The following ERC2 variants were observed in gnomAD, a reference collection of about 807,000 sequenced individuals.
ERC2 encodes the protein ERC protein 2.
Under a neutral mutation model 114.8 loss-of-function variants are expected in ERC2, and 42 were observed. That is an observed-to-expected ratio of 0.37 (90% CI 0.29 to 0.47). The LOEUF (loss-of-function observed/expected upper bound fraction) is 0.47, where lower values mean the gene tolerates loss of function less well. Ranked by LOEUF, ERC2 falls within the 20% of genes least tolerant of loss-of-function variation. The pLI is 0.99. For missense variants in ERC2, 939 were observed against 1,150.7 expected, an observed-to-expected ratio of 0.82 and a Z score of 2.66; for synonymous variants, 454 against 425.5, an observed-to-expected ratio of 1.07 and a Z score of -0.82.
At chr3:56,084,479 G>A (rs2077400219) in intron 6 of ERC2, among the ~76,000 whole-genome samples, 1 of 152,126 alleles carries the variant, frequency 6.6e-6, no homozygotes, top group South Asian at 2.1e-4. Flanking sequence ...AGAATAAGTA[G>A]ATAAGAGTAG....
At chr3:55,570,847 GC>G (rs919657456) in intron 17 of ERC2, among the ~76,000 whole-genome samples, 1 of 152,136 alleles carries the variant, frequency 6.6e-6, no homozygotes, top group Non-Finnish European at 1.5e-5. Flanking sequence ...TGAGAAGTGG[GC>G]CGGGCGCAGT....
intron 2 of ERC2, among the ~76,000 whole-genome samples, chr3:56,302,937 G>C (rs1208136667): frequency 6.6e-6 from 1 of 152,212 alleles, no homozygotes; most frequent in Non-Finnish European, 1.5e-5. Context: ...TCAAACTGCT[G>C]TCAACTTAGC....
chr3:55,537,322 G>A (rs1430547618), intron 17 of ERC2, among the ~76,000 whole-genome samples: 1 of 152,214 alleles, frequency 6.6e-6, no homozygotes, highest in African/African-American at 2.4e-5. Flanking sequence ...GGAAGACGAT[G>A]GTTTCCCCCC....
intron 7 of ERC2, among the ~76,000 whole-genome samples, chr3:56,069,052 G>A (rs2076609160): frequency 6.6e-6 from 1 of 152,188 alleles, no homozygotes; most frequent in Non-Finnish European, 1.5e-5. Context: ...TGTCTATCAG[G>A]TCCACTTGAT....
intron 13 of ERC2, among the ~76,000 whole-genome samples, chr3:55,926,473 T>C (rs1468207695): frequency 6.6e-6 from 1 of 152,022 alleles, no homozygotes; most frequent in Non-Finnish European, 1.5e-5. Context: ...ACAAAGATTT[T>C]ATATCATTTA....
intron 3 of ERC2, among the ~76,000 whole-genome samples, chr3:56,259,172 A>G (rs1403727470): frequency 6.6e-6 from 1 of 151,942 alleles, no homozygotes; most frequent in Non-Finnish European, 1.5e-5. Context: ...GGGTTTCTCC[A>G]TGTTGATCAG....
At chr3:56,368,979 T>C (rs974533498) in intron 2 of ERC2, among the ~76,000 whole-genome samples, 5 of 152,186 alleles carry the variant, frequency 3.3e-5, no homozygotes, top group Admixed American at 6.5e-5. Context: ...TACTCCATAA[T>C]AGGACCTCAA....
chr3:55,961,330 C>T (rs2068347026), intron 12 of ERC2, among the ~76,000 whole-genome samples: 1 of 152,160 alleles, frequency 6.6e-6, no homozygotes, highest in Non-Finnish European at 1.5e-5. Context: ...CCCCTTCCTT[C>T]ATCACTGATA....
chr3:55,919,647 T>G (rs968897838), intron 13 of ERC2, among the ~76,000 whole-genome samples: 5 of 152,062 alleles, frequency 3.3e-5, no homozygotes, highest in African/African-American at 1.2e-4. Context: ...AGAAAATAAG[T>G]AAAATGTGTA....
intron 17 of ERC2, among the ~76,000 whole-genome samples, chr3:55,603,573 G>C (rs1470780612): frequency 2.6e-5 from 4 of 151,578 alleles, no homozygotes; most frequent in Non-Finnish European, 5.9e-5. Flanking sequence ...ACTGCAAGCA[G>C]GTGGAGCTTG....
chr3:56,236,278 A>C (rs1363699077), intron 3 of ERC2, among the ~76,000 whole-genome samples: 1 of 150,652 alleles, frequency 6.6e-6, no homozygotes, highest in Admixed American at 6.6e-5. Flanking sequence ...ATTTCGATAC[A>C]TTTTTTTTTT....
intron 6 of ERC2, among the ~76,000 whole-genome samples, chr3:56,117,174 T>C (rs543014414): frequency 1.3e-5 from 2 of 152,304 alleles, no homozygotes; most frequent in South Asian, 4.1e-4. Context: ...GGTAAGACTG[T>C]CTCAGTCATT....
intron 2 of ERC2, among the ~76,000 whole-genome samples, chr3:56,421,367 T>C (rs977789211): frequency 6.6e-6 from 1 of 152,214 alleles, no homozygotes; most frequent in African/African-American, 2.4e-5. Flanking sequence ...TGCTAGAGAA[T>C]CTACTCATCA....
intron 1 of ERC2, among the ~76,000 whole-genome samples, chr3:56,451,417 A>G (rs1240746244): frequency 9.2e-5 from 14 of 152,356 alleles, no homozygotes; most frequent in South Asian, 2.1e-4. Flanking sequence ...AATGGCTCCA[A>G]TGGGCAAATT....
At chr3:56,351,649 G>C (rs771126107) in intron 2 of ERC2, among the ~76,000 whole-genome samples, 2 of 152,226 alleles carry the variant, frequency 1.3e-5, no homozygotes, top group Non-Finnish European at 2.9e-5. Context: ...CACTCAGAAA[G>C]GCAGGAGAAC....
intron 12 of ERC2, among the ~76,000 whole-genome samples, chr3:55,972,519 C>T (rs540094630): frequency 6.6e-6 from 1 of 152,346 alleles, no homozygotes; most frequent in South Asian, 2.1e-4. Context: ...TGAGTGAGAA[C>T]ATGCAGTGTT....
At chr3:56,221,874 G>A (rs1317172848) in intron 3 of ERC2, among the ~76,000 whole-genome samples, 2 of 151,902 alleles carry the variant, frequency 1.3e-5, no homozygotes, top group Non-Finnish European at 2.9e-5. Context: ...TCCAGCCTGG[G>A]CGACAGAGCA....
chr3:55,544,694 G>A (rs1795631), intron 17 of ERC2, among the ~76,000 whole-genome samples: 86,354 of 152,022 alleles, frequency 0.57, 26,684 homozygotes, highest in East Asian at 0.78. Flanking sequence ...AAGTCAAGAA[G>A]CCCCTTCTGA....
rs1473675915 is a variant in ERC2, at chr3:55,583,385, T to TC, written c.*40-72110dup. ...TGCCTGCCTGCCTTCTTTCCTTCTTTCTTTCCTTCCTTCTTTCCTTCCTTC... is the reference window on the plus strand; with the variant it reads ...TGCCTGCCTGCCTTCTTTCCTTCTTTCCTTTCCTTCCTTCTTTCCTTCCTTC... On this transcript the variant is annotated intron_variant, in intron 17 of 17. Transcript: ENST00000288221. 1.5e-3 allele frequency among the ~76,000 whole-genome samples: 197 copies of TC among 129,616 alleles called. 2 individuals carry two copies. The highest frequency in any genetic ancestry group is 2.0e-3 in the African/African-American group (53 of 26,374). The allele number at this position is 129,616 out of a possible 152,430, so 85.0% of individuals were successfully genotyped here. A position where few individuals can be genotyped will look rare whatever the true frequency, so the allele number is the denominator to read the frequency against.
Sources: allele counts gnomAD v4.1 joint callset (sites outside exome capture counted in the v4.1 genomes callset), GRCh38; gene constraint gnomAD v4.1.1; transcripts MANE v1.5; gene names NCBI Gene and HGNC (gene_info 2026-07-23, HGNC 2026-07-21).